ARFGEF2: variants seen among roughly 807,000 people sequenced by gnomAD.
The protein encoded by ARFGEF2 is ARF guanine nucleotide exchange factor 2.
Under a neutral mutation model 219.9 loss-of-function variants are expected in ARFGEF2, and 74 were observed. That is an observed-to-expected ratio of 0.34 (90% CI 0.28 to 0.41). The LOEUF (loss-of-function observed/expected upper bound fraction) is 0.41. Ranked by LOEUF, ARFGEF2 falls within the 10% of genes least tolerant of loss-of-function variation. The pLI is 1.00. For missense variants in ARFGEF2, 1,743 were observed against 2,218.3 expected (o/e 0.79, Z 4.30); for synonymous variants, 733 against 799.2 (o/e 0.92, Z 1.40).
chr20:49,025,513 C>A, intron 36 of ARFGEF2, 32 bp downstream of exon 36: 15 of 1,612,508 alleles, frequency 9.3e-6, no homozygotes, highest in Non-Finnish European at 1.3e-5. Flanking sequence ...GATAGATGGC[C>A]ACACTGGTCA....
At chr20:49,003,125 G>A (rs547937535) in intron 25 of ARFGEF2, among the ~76,000 whole-genome samples, 55 of 149,600 alleles carry the variant, frequency 3.7e-4, no homozygotes, top group Middle Eastern at 6.8e-3. Context: ...ATGCAACCAC[G>A]CACAGCTAAT....
At chr20:48,934,169 A>G (rs115089383) in intron 1 of ARFGEF2, among the ~76,000 whole-genome samples, 26 of 151,628 alleles carry the variant, frequency 1.7e-4, no homozygotes, top group African/African-American at 6.3e-4. Context: ...TAATAACCCA[A>G]TAACCCATCT....
In ARFGEF2 at chr20:48,921,865, C is replaced by T. The variant is rs559835122; in HGVS notation, c.-25C>T. 550 of 1,514,012 alleles carry T rather than the reference C, an allele frequency of 3.6e-4. 1 individual carries two copies. The African/African-American group carries it at 7.2e-3, about 20-fold the overall frequency. The allele number at this position is 1,514,012 out of a possible 1,614,324, so 93.8% of individuals were successfully genotyped here. A position where few individuals can be genotyped will look rare whatever the true frequency, so the allele number is the denominator to read the frequency against. On this transcript the variant is annotated 5_prime_UTR_variant, in exon 1 of 39. Transcript: ENST00000371917. ...CGCTCACGCCGCCCGCCCGCGGGGC[C>T]GTCAGCCCCCGCCGGGCCGGGGCCA...
rs140964719 is a variant in ARFGEF2 at position 48,993,704 on chromosome 20, A to G, written c.2974-747A>G. Among the ~76,000 whole-genome samples the G allele has an allele frequency of 4.8e-3, 725 of 152,290 alleles. 3 individuals are homozygous for G. Among genetic ancestry groups the G allele is most frequent in the African/African-American group, 0.017 (687 of 41,550 alleles). On this transcript the variant is annotated intron_variant, in intron 21 of 38. Coordinates refer to ENST00000371917, the MANE Select transcript of ARFGEF2 (RefSeq NM_006420.3). ...GTTTCTGTTTCTACAGCTGAGCTTC[A>G]GGTAGGAGGGCCCGTGTGCAGATCT...
chr20:48,958,196 T>C (rs895085061), intron 6 of ARFGEF2, among the ~76,000 whole-genome samples: 2 of 152,204 alleles, frequency 1.3e-5, no homozygotes, highest in Non-Finnish European at 2.9e-5. Context: ...ACAGGCCTAA[T>C]AAAAAGTAGC....
At chr20:48,989,170 C>G (rs187429870) in intron 18 of ARFGEF2, 115 bp from the exon 19 acceptor site, 3 of 1,195,702 alleles carry the variant, frequency 2.5e-6, no homozygotes, top group Non-Finnish European at 3.7e-6. Flanking sequence ...AATGGACTCA[C>G]GAGATGGTTG....
intron 12 of ARFGEF2, among the ~76,000 whole-genome samples, chr20:48,974,098 T>C (rs2091245472): frequency 6.6e-6 from 1 of 151,290 alleles, no homozygotes; most frequent in Non-Finnish European, 1.5e-5. Context: ...GAGACCTTGT[T>C]ATTTATTATT....
In ARFGEF2 at chr20:48,952,224, C is replaced by T. The variant is rs560322212; in HGVS notation, c.424-481C>T. On this transcript the variant is annotated intron_variant, in intron 4 of 38. Coordinates refer to ENST00000371917, the MANE Select transcript of ARFGEF2 (RefSeq NM_006420.3). The stretch of plus-strand genomic sequence containing the variant: ...AGGCTGGAGTGCAGTGGTGCAATCT[C>T]GGCTCGCTGCAAACTCCACCTCACA... Among the ~76,000 whole-genome samples, 7 of 134,648 alleles carry T rather than the reference C, an allele frequency of 5.2e-5. No homozygotes were observed. In the South Asian group the frequency reaches 7.3e-4, roughly 14 times the overall value. 88.3% of individuals were successfully genotyped at this position (134,648 alleles called of 152,430 possible).
At chr20:48,998,126 C>A (rs536226278) in intron 23 of ARFGEF2, 67 bp from the exon 24 acceptor site, 9 of 1,494,850 alleles carry the variant, frequency 6.0e-6, no homozygotes, top group Non-Finnish European at 8.4e-6. Context: ...TCCCAAAGTG[C>A]TGAGATTACA....
intron 7 of ARFGEF2, among the ~76,000 whole-genome samples, chr20:48,964,514 AG>A (rs1466832087): frequency 4.1e-4 from 63 of 152,294 alleles, no homozygotes; most frequent in African/African-American, 1.1e-3. Flanking sequence ...TTTTTCTAGG[AG>A]TGGGCTGGAG....
chr20:48,973,419 T>C, intron 12 of ARFGEF2, 135 bp downstream of exon 12: 1 of 942,348 alleles, frequency 1.1e-6, no homozygotes, highest in Non-Finnish European at 1.6e-6. Flanking sequence ...ACACACTTCC[T>C]GCCATCATGA....
rs562517314 is a variant in ARFGEF2 at position 49,013,510 on chromosome 20, G to C, written c.3919-54G>C. ...TTAATCTGCATATAGTTCCCTTTCA[G>C]TTCCTTCCTTTTGCATGCTTAGTTT... On this transcript the variant is annotated intron_variant, in intron 28 of 38. Coordinates refer to ENST00000371917, the MANE Select transcript of ARFGEF2 (RefSeq NM_006420.3). The C allele has an allele frequency of 5.6e-6, 9 of 1,612,810 alleles. No homozygotes were observed. The African/African-American group carries it at 1.1e-4, about 19-fold the overall frequency.
chr20:48,953,466 G>A (rs773693321), intron 5 of ARFGEF2, 90 bp from the exon 6 acceptor site: 347 of 1,238,710 alleles, frequency 2.8e-4, no homozygotes, highest in Non-Finnish European at 3.6e-4. Context: ...GTTAACCACC[G>A]CGCCCAGCCC....
chr20:49,033,346 C>A lies in ARFGEF2; in HGVS notation c.*147C>A. ...GGAAACGGATGGCCTCTACGCTGTT[C>A]CATCACAGTCTCCAACTAAGGCTTA... On this transcript the variant is annotated 3_prime_UTR_variant, in exon 39 of 39. Transcript: ENST00000371917. 1 of 822,288 alleles carries A rather than the reference C, an allele frequency of 1.2e-6. No individual in the cohort carries two copies. Among genetic ancestry groups the A allele is most frequent in the Non-Finnish European group, 2.0e-6 (1 of 510,764 alleles). 50.9% of individuals were successfully genotyped at this position (822,288 alleles called of 1,614,324 possible).
At chr20:48,982,472 G>A (rs1020761708) in intron 14 of ARFGEF2, among the ~76,000 whole-genome samples, 1 of 152,212 alleles carries the variant, frequency 6.6e-6, no homozygotes. Flanking sequence ...GGTCCCACTT[G>A]AGGAGGCAGG....
intron 1 of ARFGEF2, among the ~76,000 whole-genome samples, chr20:48,933,359 T>C (rs1238803539): frequency 6.6e-6 from 1 of 152,184 alleles, no homozygotes. Flanking sequence ...GCGTGGATCC[T>C]GACTGCAGAG....
intron 3 of ARFGEF2, among the ~76,000 whole-genome samples, chr20:48,945,933 A>G (rs1252119567): frequency 2.0e-5 from 3 of 152,234 alleles, no homozygotes; most frequent in Non-Finnish European, 4.4e-5. Flanking sequence ...TCTGAGATGT[A>G]ATAGGTACAC....
At chr20:49,006,657 G>A (rs536252801) in intron 26 of ARFGEF2, among the ~76,000 whole-genome samples, 1 of 152,166 alleles carries the variant, frequency 6.6e-6, no homozygotes, top group African/African-American at 2.4e-5. Flanking sequence ...TGCTGCCTTG[G>A]CATGAGAATT....
At chr20:48,989,490 G>C in intron 19 of ARFGEF2, 54 bp downstream of exon 19, 1 of 1,614,170 alleles carries the variant, frequency 6.2e-7, no homozygotes, top group Non-Finnish European at 8.5e-7. Flanking sequence ...TCTGAAGCTG[G>C]CCAGCGAGAA....
Sources: allele counts gnomAD v4.1 joint callset (sites outside exome capture counted in the v4.1 genomes callset), GRCh38; gene constraint gnomAD v4.1.1; transcripts MANE v1.5; gene names NCBI Gene and HGNC (gene_info 2026-07-23, HGNC 2026-07-21).